USP15: variants seen among roughly 807,000 people sequenced by gnomAD.
USP15 encodes ubiquitin carboxyl-terminal hydrolase 15.
USP15 carries 18 observed loss-of-function variants against 127.1 expected under a neutral mutation model. The observed-to-expected ratio is 0.14, with a 90% confidence interval of 0.10 to 0.21. The LOEUF is 0.21. Among genes scored for constraint, USP15 ranks in the 10% least tolerant of loss-of-function variants. The pLI is 1.00. For synonymous variants in USP15, 364 were observed against 393.7 expected, an observed-to-expected ratio of 0.92 and a Z score of 0.89; for missense variants, 805 against 1,159.9, an observed-to-expected ratio of 0.69 and a Z score of 4.44.
chr12:62,365,679 G>A (rs762531724), intron 8 of USP15, among the ~76,000 whole-genome samples: 1 of 152,136 alleles, frequency 6.6e-6, no homozygotes, highest in Non-Finnish European at 1.5e-5. Context: ...GATTTTTGTG[G>A]TTTTAGGTCT....
intron 8 of USP15, among the ~76,000 whole-genome samples, chr12:62,364,893 C>G (rs2066429640): frequency 6.6e-6 from 1 of 152,074 alleles, no homozygotes; most frequent in Admixed American, 6.6e-5. Flanking sequence ...TGAACTCATC[C>G]TTTTTTATGG....
intron 1 of USP15, among the ~76,000 whole-genome samples, chr12:62,264,338 C>T (rs1454842299): frequency 6.6e-6 from 1 of 152,122 alleles, no homozygotes; most frequent in Non-Finnish European, 1.5e-5. Flanking sequence ...AAAACATAAC[C>T]ACAAATCATC....
At chr12:62,287,244 C>G (rs2137120241) in intron 1 of USP15, among the ~76,000 whole-genome samples, 1 of 152,176 alleles carries the variant, frequency 6.6e-6, no homozygotes, top group East Asian at 1.9e-4. Context: ...GCAACAGGAT[C>G]ATTAGAAGCC....
At chr12:62,333,108 G>A (rs2065353172) in intron 6 of USP15, among the ~76,000 whole-genome samples, 1 of 152,292 alleles carries the variant, frequency 6.6e-6, no homozygotes, top group Non-Finnish European at 1.5e-5. Flanking sequence ...ATGATGCATA[G>A]ACTCATTTGG....
rs564764769 is a variant in USP15, at chr12:62,409,080, G to A, written c.*4705G>A. The A allele has an allele frequency of 3.9e-5, 6 of 152,108 alleles. No homozygotes were observed. The East Asian group carries it at 9.6e-4, about 24-fold the overall frequency. 9.4% of individuals were successfully genotyped at this position (152,108 alleles called of 1,614,324 possible). A position where few individuals can be genotyped will look rare whatever the true frequency, so the allele number is the denominator to read the frequency against. ...AAGACTTTTTTCTTCACTAATGATG[G>A]GGTAAAGAATTTTTAAATGGATAAT... On this transcript the variant is annotated 3_prime_UTR_variant, in exon 22 of 22. Transcript: ENST00000280377.
At chr12:62,333,080 A>T (rs1255763844) in intron 6 of USP15, among the ~76,000 whole-genome samples, 2 of 152,232 alleles carry the variant, frequency 1.3e-5, no homozygotes, top group African/African-American at 4.8e-5. Context: ...ACTGCGAAGC[A>T]GCTAAATGGA....
intron 9 of USP15, among the ~76,000 whole-genome samples, chr12:62,382,664 A>G (rs879441591): frequency 3.3e-5 from 5 of 151,908 alleles, no homozygotes; most frequent in Non-Finnish European, 5.9e-5. Flanking sequence ...ATACTATTAC[A>G]TTTATTTTCA....
chr12:62,377,050 A>G (rs112583938), intron 8 of USP15, among the ~76,000 whole-genome samples: 6,207 of 152,144 alleles, frequency 0.041, 167 homozygotes, highest in African/African-American at 0.058. Context: ...AATTTTATGT[A>G]TTTTTAATTT....
chr12:62,347,306 CAT>C (rs553171121), intron 6 of USP15, among the ~76,000 whole-genome samples: 71 of 150,620 alleles, frequency 4.7e-4, no homozygotes, highest in African/African-American at 1.7e-3. Flanking sequence ...TGTGTGTGTA[CAT>C]ATATATATGT....
chr12:62,301,913 C>T (rs2064332955), intron 2 of USP15, among the ~76,000 whole-genome samples: 1 of 152,152 alleles, frequency 6.6e-6, no homozygotes, highest in African/African-American at 2.4e-5. Flanking sequence ...ATTTCTGTTC[C>T]TCTTTCTGCA....
At chr12:62,335,393 A>G in intron 6 of USP15, 2 of 1,399,062 alleles carry the variant, frequency 1.4e-6, no homozygotes, top group Non-Finnish European at 1.8e-6. Context: ...TGTCTGCAAC[A>G]GTATTGTAAA....
intron 1 of USP15, among the ~76,000 whole-genome samples, chr12:62,292,566 G>A (rs2064003698): frequency 6.6e-6 from 1 of 152,188 alleles, no homozygotes; most frequent in East Asian, 1.9e-4. Flanking sequence ...CTGCAGCAGT[G>A]GGTGGAGGGG....
intron 2 of USP15, among the ~76,000 whole-genome samples, chr12:62,299,804 G>A (rs1460393971): frequency 1.3e-5 from 2 of 152,172 alleles, no homozygotes; most frequent in African/African-American, 4.8e-5. Context: ...AGGATTCATT[G>A]CTTCACATTA....
chr12:62,358,848 A>G (rs1457508100), intron 8 of USP15, among the ~76,000 whole-genome samples: 1 of 152,172 alleles, frequency 6.6e-6, no homozygotes, highest in African/African-American at 2.4e-5. Flanking sequence ...ATATGTGAAG[A>G]TATATGTAGG....
At position 62,392,361 on chromosome 12, in the gene USP15, A is replaced by G; in HGVS notation, c.2394A>G (p.Lys798=). The G allele has an allele frequency of 6.2e-7, 1 of 1,604,290 alleles. No homozygotes were observed. Among genetic ancestry groups the G allele is most frequent in the Non-Finnish European group, 8.5e-7 (1 of 1,176,824 alleles). The part of the protein sequence containing the change: ...LKDCIELFTT[K]EKLGAEDPWY... The stretch of plus-strand genomic sequence containing the variant: ...ATTGCATTGAACTTTTTACAACAAA[A>G]GAAAAGCTAGGTGCTGAAGATCCCT... Residue 798 remains lysine (K), a synonymous_variant, in exon 18 of 22, where the codon AAA becomes AAG. Transcript: ENST00000280377.
At chr12:62,310,074 G>A (rs371337310) in intron 3 of USP15, among the ~76,000 whole-genome samples, 1 of 151,872 alleles carries the variant, frequency 6.6e-6, no homozygotes, top group East Asian at 1.9e-4. Context: ...AATATGTACT[G>A]GTAAACAATT....
At chr12:62,355,636 G>A (rs1209845428) in intron 8 of USP15, among the ~76,000 whole-genome samples, 161 bp downstream of exon 8, 1 of 151,658 alleles carries the variant, frequency 6.6e-6, no homozygotes, top group Non-Finnish European at 1.5e-5. Flanking sequence ...TTCTACTACT[G>A]GTAGTGGAAT....
intron 2 of USP15, among the ~76,000 whole-genome samples, chr12:62,298,765 G>A (rs1427001465): frequency 3.4e-5 from 5 of 149,106 alleles, no homozygotes; most frequent in Non-Finnish European, 7.4e-5. Flanking sequence ...GGAGACAGAG[G>A]TTGTATGGAG....
intron 8 of USP15, among the ~76,000 whole-genome samples, chr12:62,371,854 G>C (rs550862426): frequency 6.6e-6 from 1 of 152,078 alleles, no homozygotes; most frequent in Non-Finnish European, 1.5e-5. Context: ...TAGCTCGAGC[G>C]GAAATATTTG....
Sources: allele counts gnomAD v4.1 joint callset (sites outside exome capture counted in the v4.1 genomes callset), GRCh38; gene constraint gnomAD v4.1.1; transcripts MANE v1.5; gene names NCBI Gene and HGNC (gene_info 2026-07-23, HGNC 2026-07-21).